The following LANCL3 variants were observed in gnomAD, a reference collection of about 807,000 sequenced individuals.
LANCL3 encodes the protein lanC-like protein 3.
In LANCL3, 19 loss-of-function variants were observed where a neutral mutation model predicts 26.5. The observed-to-expected ratio is 0.72, with a 90% CI of 0.50 to 1.05. LANCL3 has a LOEUF of 1.05. Among genes scored for constraint, LANCL3 ranks in the 50% least tolerant of loss-of-function variants. The pLI, the probability that LANCL3 is intolerant of heterozygous loss-of-function variation, is 0.00. For synonymous variants in LANCL3, 160 were observed against 166.6 expected, an observed-to-expected ratio of 0.96 and a Z score of 0.30; for missense variants, 318 against 362.7, an observed-to-expected ratio of 0.88 and a Z score of 1.00.
chrX:37,670,623 AAT>A (rs782652564), intron 4 of LANCL3, among the ~76,000 whole-genome samples: 47 of 111,279 alleles, frequency 4.2e-4, no homozygotes, highest in African/African-American at 1.4e-3. Flanking sequence ...AATTTATATA[AAT>A]ATATGAGTTC....
intron 1 of LANCL3, among the ~76,000 whole-genome samples, chrX:37,647,201 C>T (rs1340656773): frequency 9.0e-6 from 1 of 110,642 alleles, no homozygotes; most frequent in East Asian, 2.8e-4. Flanking sequence ...GTAGTCCCAT[C>T]TACTTGGGAG....
At chrX:37,622,676 CATG>C (rs1925201039) in intron 1 of LANCL3, among the ~76,000 whole-genome samples, 1 of 111,966 alleles carries the variant, frequency 8.9e-6, no homozygotes, top group African/African-American at 3.2e-5. Context: ...TCCTTCACAA[CATG>C]ATATGTTATT....
At chrX:37,613,946 T>C (rs1924943734) in intron 1 of LANCL3, among the ~76,000 whole-genome samples, 1 of 112,142 alleles carries the variant, frequency 8.9e-6, no homozygotes, top group Admixed American at 9.5e-5. Flanking sequence ...TTCTTCCTGC[T>C]ACTTCAGGGT....
In LANCL3 at chrX:37,676,641, C is replaced by A. The variant is rs200521623; in HGVS notation, c.*828C>A. The A allele has an allele frequency of 4.5e-5, 5 of 111,669 alleles. No homozygotes were observed. The East Asian group carries it at 1.4e-3, about 31-fold the overall frequency. 9.2% of individuals were successfully genotyped at this position (111,669 alleles called of 1,213,427 possible). The stretch of plus-strand genomic sequence containing the variant: ...TTAAAAATGCCTTTATGTACATAAT[C>A]TTGATGGAGCTATTAGCTGAACTAT... On this transcript the variant is annotated 3_prime_UTR_variant, in exon 5 of 5. Coordinates refer to ENST00000378619, the MANE Select transcript of LANCL3 (RefSeq NM_001170331.2).
intron 1 of LANCL3, among the ~76,000 whole-genome samples, chrX:37,582,899 T>C (rs1923943139): frequency 8.9e-6 from 1 of 112,149 alleles, no homozygotes; most frequent in African/African-American, 3.2e-5. Flanking sequence ...CCCATGCCTA[T>C]GTCCTGAATG....
intron 1 of LANCL3, among the ~76,000 whole-genome samples, chrX:37,589,845 G>A (rs1357983864): frequency 8.9e-6 from 1 of 111,761 alleles, no homozygotes; most frequent in Non-Finnish European, 1.9e-5. Flanking sequence ...TTTTCACACA[G>A]AGGCCTTAAA....
chrX:37,575,029 G>A (rs1430542420), intron 1 of LANCL3, among the ~76,000 whole-genome samples: 3 of 109,129 alleles, frequency 2.7e-5, no homozygotes, highest in Non-Finnish European at 3.8e-5. Context: ...GGGCTCAGGC[G>A]ATCCTCCTAC....
At chrX:37,635,630 T>C (rs1925685093) in intron 1 of LANCL3, among the ~76,000 whole-genome samples, 1 of 110,813 alleles carries the variant, frequency 9.0e-6, no homozygotes, top group Non-Finnish European at 1.9e-5. Context: ...TGAGATCAAC[T>C]TTTTTATTAT....
At position 37,619,971 on chromosome X, in the gene LANCL3, A is replaced by G. The variant is rs781801747; in HGVS notation, c.574-35717A>G. Among the ~76,000 whole-genome samples the G allele has an allele frequency of 2.7e-5, 3 of 112,369 alleles. No homozygotes were observed. The Admixed American group carries it at 2.8e-4, about 11-fold the overall frequency. On this transcript the variant is annotated intron_variant, in intron 1 of 4. Transcript: ENST00000378619. ...TTTTCTCCCTCAGTGTGGATGCCCC[A>G]TCCTCATAAAAGCATGACACTTAGT...
intron 1 of LANCL3, among the ~76,000 whole-genome samples, chrX:37,599,958 T>G (rs1435460581): frequency 9.1e-6 from 1 of 110,490 alleles, no homozygotes; most frequent in South Asian, 3.8e-4. Flanking sequence ...TCTGAGATAT[T>G]TGTATTGGCT....
intron 1 of LANCL3, among the ~76,000 whole-genome samples, chrX:37,583,041 C>A (rs1315179014): frequency 2.7e-5 from 3 of 111,807 alleles, no homozygotes; most frequent in Admixed American, 9.5e-5. Flanking sequence ...ATATGGCTAG[C>A]CAGTTTTCCC....
chrX:37,621,314 A>G (rs1556422237), intron 1 of LANCL3, among the ~76,000 whole-genome samples: 1 of 112,158 alleles, frequency 8.9e-6, no homozygotes, highest in African/African-American at 3.2e-5. Context: ...CACTGGCAGA[A>G]CACATAGATA....
intron 1 of LANCL3, among the ~76,000 whole-genome samples, chrX:37,598,169 A>T (rs1924487997): frequency 9.0e-6 from 1 of 111,607 alleles, no homozygotes; most frequent in Non-Finnish European, 1.9e-5. Flanking sequence ...CTTAATTTTT[A>T]TAAAGTCCAG....
chrX:37,631,968 T>C (rs1379188950), intron 1 of LANCL3, among the ~76,000 whole-genome samples: 1 of 110,935 alleles, frequency 9.0e-6, no homozygotes, highest in African/African-American at 3.3e-5. Flanking sequence ...GTCTATTAGG[T>C]CTGCTTGGTG....
rs34987799 is a variant in LANCL3, at chrX:37,574,054, C to CAAAAAAAAAA, written c.573+1623_573+1632dup. ...GAGATGGAACAAGCTTCAAGGATAG[C>CAAAAAAAAAA]AAAAAAAAAAAAAAAAAAAAACCCA... On this transcript the variant is annotated intron_variant, in intron 1 of 4. Coordinates refer to ENST00000378619, the MANE Select transcript of LANCL3 (RefSeq NM_001170331.2). Among the ~76,000 whole-genome samples the CAAAAAAAAAA allele has an allele frequency of 8.7e-3, 289 of 33,401 alleles. 8 individuals are homozygous for CAAAAAAAAAA. Among genetic ancestry groups the CAAAAAAAAAA allele is most frequent in the African/African-American group, 0.026 (275 of 10,775 alleles). The allele number at this position is 33,401 out of a possible 115,157, so 29.0% of individuals were successfully genotyped here.
intron 1 of LANCL3, among the ~76,000 whole-genome samples, chrX:37,617,792 G>T (rs1925049667): frequency 8.9e-6 from 1 of 111,737 alleles, no homozygotes; most frequent in Admixed American, 9.5e-5. Context: ...CCCAAAGAGG[G>T]AAAGGCATGA....
At chrX:37,586,142 T>C (rs1307305447) in intron 1 of LANCL3, among the ~76,000 whole-genome samples, 9 of 112,233 alleles carry the variant, frequency 8.0e-5, no homozygotes, top group Non-Finnish European at 1.5e-4. Flanking sequence ...TCTTCTGGCT[T>C]GTAGAGTTTC....
At chrX:37,605,941 C>T (rs1924702037) in intron 1 of LANCL3, among the ~76,000 whole-genome samples, 1 of 111,580 alleles carries the variant, frequency 9.0e-6, no homozygotes, top group Admixed American at 9.5e-5. Flanking sequence ...ACCTCCTCTT[C>T]CTGTGTTTTG....
At chrX:37,631,004 T>G (rs1925483717) in intron 1 of LANCL3, among the ~76,000 whole-genome samples, 1 of 111,970 alleles carries the variant, frequency 8.9e-6, no homozygotes, top group Non-Finnish European at 1.9e-5. Context: ...TTCTATTGAT[T>G]GGAATAGTTT....
Sources: allele counts gnomAD v4.1 joint callset (sites outside exome capture counted in the v4.1 genomes callset), GRCh38; gene constraint gnomAD v4.1.1; transcripts MANE v1.5; gene names NCBI Gene and HGNC (gene_info 2026-07-23, HGNC 2026-07-21).